Variants in CLASP2 observed in about 807,000 individuals in gnomAD.
The protein encoded by CLASP2 is CLIP-associating protein 2.
In CLASP2, 47 loss-of-function variants were observed where a neutral mutation model predicts 194.4. The ratio of observed to expected loss-of-function variants is 0.24; its 90% CI spans 0.19 to 0.31. The LOEUF is 0.31. Ranked by LOEUF, CLASP2 falls within the 10% of genes least tolerant of loss-of-function variation. The probability of loss-of-function intolerance (pLI) is 1.00; values close to 1 mark genes in which losing one functional copy is unlikely to be tolerated. For missense variants in CLASP2, 1,445 were observed against 1,823.6 expected, an observed-to-expected ratio of 0.79 and a Z score of 3.78; for synonymous variants, 619 against 633.5, an observed-to-expected ratio of 0.98 and a Z score of 0.34.
intron 18 of CLASP2, chr3:33,602,515 G>A (rs760398880): frequency 1.2e-5 from 9 of 758,566 alleles, no homozygotes; most frequent in Non-Finnish European, 1.9e-5. Context: ...ATAGAGTTTT[G>A]GAATATATGT....
At chr3:33,538,220 C>A (rs1006301943) in intron 33 of CLASP2, among the ~76,000 whole-genome samples, 3 of 151,834 alleles carry the variant, frequency 2.0e-5, no homozygotes, top group Admixed American at 1.3e-4. Flanking sequence ...CACTGGTTTT[C>A]TTCCTAGTCC....
intron 34 of CLASP2, among the ~76,000 whole-genome samples, chr3:33,525,689 G>A (rs2054345529): frequency 6.6e-6 from 1 of 152,212 alleles, no homozygotes; most frequent in South Asian, 2.1e-4. Context: ...ACTCAGGCAT[G>A]CATGGAAACC....
intron 2 of CLASP2, among the ~76,000 whole-genome samples, chr3:33,691,819 G>A (rs560198034): frequency 2.6e-5 from 4 of 152,282 alleles, no homozygotes; most frequent in Admixed American, 6.5e-5. Flanking sequence ...AGGCACAGCA[G>A]GATTAAATAA....
intron 9 of CLASP2, 86 bp downstream of exon 9, chr3:33,632,206 A>C (rs1363155028): frequency 1.2e-6 from 1 of 807,306 alleles, no homozygotes; most frequent in African/African-American, 1.8e-5. Context: ...TAAGGAAAAA[A>C]GAATTCTTAA....
intron 34 of CLASP2, among the ~76,000 whole-genome samples, chr3:33,521,883 C>A (rs1010428668): frequency 1.4e-5 from 2 of 140,218 alleles, no homozygotes; most frequent in Non-Finnish European, 3.1e-5. Context: ...ACCCACTCCC[C>A]CCTCCACCAG....
chr3:33,517,978 C>T (rs1396289708), intron 34 of CLASP2, among the ~76,000 whole-genome samples: 4 of 152,188 alleles, frequency 2.6e-5, no homozygotes, highest in Non-Finnish European at 5.9e-5. Context: ...GTTTCAGTCA[C>T]TGATTGTTGT....
At chr3:33,674,734 A>G (rs188362000) in intron 6 of CLASP2, among the ~76,000 whole-genome samples, 140 of 152,314 alleles carry the variant, frequency 9.2e-4, no homozygotes, top group African/African-American at 3.1e-3. Flanking sequence ...AATAGACCCA[A>G]TAAAAAATGA....
intron 19 of CLASP2, among the ~76,000 whole-genome samples, chr3:33,595,912 T>A (rs1401173796): frequency 6.6e-6 from 1 of 152,048 alleles, no homozygotes; most frequent in Non-Finnish European, 1.5e-5. Context: ...AAATGTTCTA[T>A]CTCATTAAAA....
chr3:33,711,415 T>G (rs1423844917), intron 1 of CLASP2, among the ~76,000 whole-genome samples: 1 of 151,526 alleles, frequency 6.6e-6, no homozygotes, highest in African/African-American at 2.4e-5. Context: ...CTGGCTAATT[T>G]TTTTATTTCT....
intron 8 of CLASP2, among the ~76,000 whole-genome samples, chr3:33,633,552 T>C (rs2079513811): frequency 6.6e-6 from 1 of 152,068 alleles, no homozygotes; most frequent in Admixed American, 6.6e-5. Flanking sequence ...GAACAGATAA[T>C]AGATTTGAGA....
chr3:33,674,492 C>A (rs901310046), intron 6 of CLASP2, among the ~76,000 whole-genome samples: 2 of 150,872 alleles, frequency 1.3e-5, no homozygotes, highest in Non-Finnish European at 1.5e-5. Flanking sequence ...AGGAAAGATC[C>A]AAAATTGACA....
chr3:33,573,520 C>A, intron 24 of CLASP2, 166 bp from the exon 25 acceptor site: 1 of 781,964 alleles, frequency 1.3e-6, no homozygotes. Context: ...CTTCAGAAAA[C>A]AAGTTTTAGA....
chr3:33,685,856 A>G (rs1183009423), intron 5 of CLASP2, among the ~76,000 whole-genome samples: 1 of 151,868 alleles, frequency 6.6e-6, no homozygotes, highest in African/African-American at 2.4e-5. Context: ...GGGACTGGGG[A>G]GTTGCTGTTT....
intron 1 of CLASP2, among the ~76,000 whole-genome samples, chr3:33,707,073 T>A (rs180970120): frequency 6.6e-6 from 1 of 152,176 alleles, no homozygotes; most frequent in Admixed American, 6.5e-5. Flanking sequence ...TAGCACCACA[T>A]TGCAGTTTCC....
chr3:33,543,589 T>TA (rs779943724), intron 31 of CLASP2, 50 bp from the exon 32 acceptor site: 10 of 1,143,742 alleles, frequency 8.7e-6, no homozygotes, highest in East Asian at 2.3e-5. Flanking sequence ...TAAGTTCACT[T>TA]AAAAAAACTC....
At chr3:33,529,019 T>C (rs562042149) in intron 34 of CLASP2, among the ~76,000 whole-genome samples, 1 of 152,188 alleles carries the variant, frequency 6.6e-6, no homozygotes, top group African/African-American at 2.4e-5. Flanking sequence ...AGCATTCCTA[T>C]ACACCAACAA....
At chr3:33,665,329 G>T (rs2086001744) in intron 6 of CLASP2, among the ~76,000 whole-genome samples, 2 of 151,960 alleles carry the variant, frequency 1.3e-5, no homozygotes, top group South Asian at 4.2e-4. Context: ...GTGGAAGAGG[G>T]TTCAAATGAA....
chr3:33,681,313 C>A (rs1219154961), intron 6 of CLASP2, among the ~76,000 whole-genome samples: 1 of 151,976 alleles, frequency 6.6e-6, no homozygotes, highest in Admixed American at 6.5e-5. Flanking sequence ...ATGATCAAGT[C>A]AACAAAAAGC....
intron 27 of CLASP2, among the ~76,000 whole-genome samples, chr3:33,566,347 C>T (rs900532399): frequency 1.3e-5 from 2 of 152,112 alleles, no homozygotes; most frequent in Admixed American, 1.3e-4. Context: ...TGTGAAACTT[C>T]AGAATCATTT....
Sources: allele counts gnomAD v4.1 joint callset (sites outside exome capture counted in the v4.1 genomes callset), GRCh38; gene constraint gnomAD v4.1.1; transcripts MANE v1.5; gene names NCBI Gene and HGNC (gene_info 2026-07-23, HGNC 2026-07-21).